MTDH: variants seen among roughly 807,000 people sequenced by gnomAD.
MTDH encodes protein LYRIC.
Under a neutral mutation model 72.7 loss-of-function variants are expected in MTDH, and 34 were observed. The observed-to-expected ratio is 0.47, with a 90% confidence interval of 0.36 to 0.62. The LOEUF is 0.62. MTDH is among the 20% of genes least tolerant of loss of function. MTDH has a pLI of 0.00. For synonymous variants in MTDH, 266 were observed against 268.9 expected, an observed-to-expected ratio of 0.99 and a Z score of 0.10; for missense variants, 677 against 699.4, an observed-to-expected ratio of 0.97 and a Z score of 0.36.
At chr8:97,663,165 C>G (rs1041446116) in intron 2 of MTDH, among the ~76,000 whole-genome samples, 11 of 152,086 alleles carry the variant, frequency 7.2e-5, no homozygotes, top group African/African-American at 2.4e-4. Flanking sequence ...CTTCTACTCC[C>G]TGAATTGCCC....
Position 97,644,404 on chromosome 8 carries a change from G to C in MTDH, c.-103G>C. On this transcript the variant is annotated 5_prime_UTR_variant, in exon 1 of 12. Transcript: ENST00000336273. ...CGCGAGGGACGGCCGCGATGCGCTC[G>C]GCCTGAGGTTACCCGGCCCGGCCCT... 1 of 1,428,282 alleles carries C rather than the reference G, an allele frequency of 7.0e-7. No homozygotes were observed. Among genetic ancestry groups the C allele is most frequent in the Non-Finnish European group, 9.2e-7 (1 of 1,088,952 alleles). The allele number at this position is 1,428,282 out of a possible 1,614,324, so 88.5% of individuals were successfully genotyped here. A position where few individuals can be genotyped will look rare whatever the true frequency, so the allele number is the denominator to read the frequency against.
intron 10 of MTDH, among the ~76,000 whole-genome samples, chr8:97,720,874 G>A (rs1186746500): frequency 2.0e-5 from 3 of 151,212 alleles, no homozygotes; most frequent in African/African-American, 4.9e-5. Context: ...GGCTAGTCTC[G>A]AACTCCTGAC....
chr8:97,710,255 G>T (rs1021642082), intron 8 of MTDH, among the ~76,000 whole-genome samples: 2 of 152,170 alleles, frequency 1.3e-5, no homozygotes, highest in African/African-American at 4.8e-5. Flanking sequence ...TGACTATAGT[G>T]CTGAGCAGAG....
At chr8:97,646,214 C>CA in intron 1 of MTDH, among the ~76,000 whole-genome samples, 1 of 152,166 alleles carries the variant, frequency 6.6e-6, no homozygotes, top group Non-Finnish European at 1.5e-5. Context: ...AGAGATGTGA[C>CA]AGGTCACAGT....
intron 2 of MTDH, among the ~76,000 whole-genome samples, chr8:97,675,260 G>T (rs1812789436): frequency 6.6e-6 from 1 of 152,144 alleles, no homozygotes; most frequent in Non-Finnish European, 1.5e-5. Context: ...TTAATAAATT[G>T]AGTAAGAATT....
chr8:97,707,436 C>T (rs1456020511), intron 8 of MTDH, among the ~76,000 whole-genome samples: 2 of 149,216 alleles, frequency 1.3e-5, no homozygotes, highest in African/African-American at 5.0e-5. Context: ...AGGCGTAAGC[C>T]ACCATGCCTG....
At chr8:97,670,263 C>G (rs1229260085) in intron 2 of MTDH, among the ~76,000 whole-genome samples, 1 of 152,184 alleles carries the variant, frequency 6.6e-6, no homozygotes, top group East Asian at 1.9e-4. Context: ...CTGTAGTGAG[C>G]TGAGATCGTG....
intron 7 of MTDH, among the ~76,000 whole-genome samples, chr8:97,703,780 A>G (rs1303895472): frequency 6.6e-6 from 1 of 152,226 alleles, no homozygotes; most frequent in East Asian, 1.9e-4. Context: ...ACTGGTTTTA[A>G]TATCATCAGT....
intron 6 of MTDH, among the ~76,000 whole-genome samples, chr8:97,694,258 C>T (rs1813735838): frequency 6.6e-6 from 1 of 150,916 alleles, no homozygotes. Context: ...AGTGCAATGG[C>T]ACGATCTCGG....
At chr8:97,702,516 T>C (rs1445575874) in intron 7 of MTDH, among the ~76,000 whole-genome samples, 1 of 152,248 alleles carries the variant, frequency 6.6e-6, no homozygotes, top group Non-Finnish European at 1.5e-5. Flanking sequence ...ATGCAGTAAG[T>C]ACTGCTGTTG....
intron 11 of MTDH, among the ~76,000 whole-genome samples, chr8:97,723,456 A>G (rs1240893615): frequency 6.7e-6 from 1 of 149,750 alleles, no homozygotes; most frequent in Non-Finnish European, 1.5e-5. Context: ...TGAAAATGCT[A>G]AATTCTGCCG....
At chr8:97,684,881 C>T in intron 2 of MTDH, among the ~76,000 whole-genome samples, 1 of 152,186 alleles carries the variant, frequency 6.6e-6, no homozygotes, top group East Asian at 1.9e-4. Flanking sequence ...GCCTGGCTGA[C>T]ATGGTGAAAT....
Position 97,699,624 on chromosome 8 carries a change from A to G in MTDH, c.1049-130A>G, listed in dbSNP as rs552941708. ...TTCCTTTTAACTTAATTCTTTTTCT[A>G]ATGTCTGAATTTTTCCTTTTAGGAG... is the stretch of plus-strand genomic sequence containing the variant. On this transcript the variant is annotated intron_variant, in intron 6 of 11. Transcript: ENST00000336273. The G allele has an allele frequency of 3.0e-5, 17 of 571,276 alleles. No homozygotes were observed. The African/African-American group carries it at 3.2e-4, about 11-fold the overall frequency. The allele number at this position is 571,276 out of a possible 1,614,324, so 35.4% of individuals were successfully genotyped here.
chr8:97,651,519 G>T (rs1270292551), intron 1 of MTDH, among the ~76,000 whole-genome samples: 1 of 152,180 alleles, frequency 6.6e-6, no homozygotes, highest in Non-Finnish European at 1.5e-5. Flanking sequence ...TAAGAAGGTG[G>T]AGGCTTGACC....
At chr8:97,661,379 T>A (rs1435074399) in intron 2 of MTDH, among the ~76,000 whole-genome samples, 1 of 152,210 alleles carries the variant, frequency 6.6e-6, no homozygotes, top group Non-Finnish European at 1.5e-5. Context: ...ACCAAATATT[T>A]TAAACATTGC....
chr8:97,693,633 G>C (rs1410449619), intron 6 of MTDH, among the ~76,000 whole-genome samples: 4 of 152,026 alleles, frequency 2.6e-5, no homozygotes, highest in African/African-American at 9.7e-5. Context: ...GCCGTTTCTT[G>C]GTCATTTCTA....
At chr8:97,684,393 A>T (rs534925140) in intron 2 of MTDH, among the ~76,000 whole-genome samples, 1 of 152,112 alleles carries the variant, frequency 6.6e-6, no homozygotes, top group Admixed American at 6.6e-5. Context: ...TCTGTTGGCC[A>T]GCACTGCTCT....
chr8:97,649,657 G>A (rs969993096), intron 1 of MTDH, among the ~76,000 whole-genome samples: 1 of 152,196 alleles, frequency 6.6e-6, no homozygotes, highest in South Asian at 2.1e-4. Context: ...AGGCTGGAGT[G>A]CAGTGGTGTG....
At position 97,697,617 on chromosome 8, in the gene MTDH, C is replaced by T. The variant is rs1391793024; in HGVS notation, c.1049-2137C>T. Among the ~76,000 whole-genome samples the T allele has an allele frequency of 2.6e-5, 4 of 151,996 alleles. No homozygotes were observed. The South Asian group carries it at 8.3e-4, about 32-fold the overall frequency. ...AGCCAGGATGGTCTGCATCTCTTTA[C>T]CTCGTGATCCACCTGCCTTGGCCTC... On this transcript the variant is annotated intron_variant, in intron 6 of 11. Transcript: ENST00000336273.
Sources: allele counts gnomAD v4.1 joint callset (sites outside exome capture counted in the v4.1 genomes callset), GRCh38; gene constraint gnomAD v4.1.1; transcripts MANE v1.5; gene names NCBI Gene and HGNC (gene_info 2026-07-23, HGNC 2026-07-21).